Variants in RASL10B observed in about 807,000 individuals in gnomAD.
RASL10B encodes the protein RAS like family 10 member B.
In RASL10B, 10 loss-of-function variants were observed where a neutral mutation model predicts 20.7. The observed-to-expected ratio is 0.48, with a 90% CI of 0.30 to 0.82. RASL10B has a LOEUF of 0.82. Ranked by LOEUF, RASL10B falls within the 40% of genes least tolerant of loss-of-function variation. The pLI is 0.07. For missense variants in RASL10B, 231 were observed against 295.4 expected, an observed-to-expected ratio of 0.78 and a Z score of 1.60; for synonymous variants, 110 against 123.3, an observed-to-expected ratio of 0.89 and a Z score of 0.72.
chr17:35,740,379 T>C (rs782255346), intron 2 of RASL10B, 30 bp from the exon 3 acceptor site: 1 of 1,609,440 alleles, frequency 6.2e-7, no homozygotes, highest in East Asian at 2.2e-5. Context: ...ATGGCTGCTC[T>C]GACCCTGGTA....
At chr17:35,734,579 G>A (rs1053685335) in intron 1 of RASL10B, among the ~76,000 whole-genome samples, 4 of 152,122 alleles carry the variant, frequency 2.6e-5, no homozygotes, top group Admixed American at 6.5e-5. Flanking sequence ...TGGGGGCCAC[G>A]GAAAGCAAAT....
At position 35,735,296 on chromosome 17, in the gene RASL10B, G is replaced by T; in HGVS notation, c.112G>T (p.Ala38Ser). Reference protein sequence around the residue: ...EFSEVCVPTTARRLYLPAVVM... With the variant: ...EFSEVCVPTTSRRLYLPAVVM... ...CAGCGAGGTCTGCGTCCCCACCACC[G>T]CCCGCCGCCTTTACCTGCCTGCTGT... The change falls in exon 2 of 4, where the codon GCC (alanine) becomes TCC (serine). Residue 38 changes from alanine to serine, a missense_variant. Ala to Ser is a moderately conservative substitution (Grantham distance 99, BLOSUM62 1). Transcript: ENST00000603017. This position sits in a 1 kb window ranked among gnomAD's most constrained non-coding sequence, Gnocchi z 6.7. The T allele has an allele frequency of 6.2e-7, 1 of 1,613,944 alleles. No individual in the cohort carries two copies. The highest frequency in any genetic ancestry group is 8.5e-7 in the Non-Finnish European group (1 of 1,180,032).
chr17:35,737,187 T>C (rs2085598512), intron 2 of RASL10B: 1 of 152,228 alleles, frequency 6.6e-6, no homozygotes, highest in African/African-American at 2.4e-5. Context: ...TTAAAATTTT[T>C]TGTATAGATG....
chr17:35,738,402 A>G (rs2085608621), intron 2 of RASL10B, among the ~76,000 whole-genome samples: 1 of 152,218 alleles, frequency 6.6e-6, no homozygotes, highest in Admixed American at 6.5e-5. Context: ...ATCTGGAAAC[A>G]AAATAATACA....
At position 35,735,002 on chromosome 17, in the gene RASL10B, A is replaced by G. The variant is rs915155520; in HGVS notation, c.-147-36A>G. On this transcript the variant is annotated intron_variant, in intron 1 of 3. Coordinates refer to ENST00000603017, the MANE Select transcript of RASL10B (RefSeq NM_033315.4). This position sits in a 1 kb window ranked among gnomAD's most constrained non-coding sequence, Gnocchi z 6.7. ...AAAAGTGCAGGACACGTCCAGGGAT[A>G]AGCCAGTGCACTAAGCCCACCTCTT... is the stretch of plus-strand genomic sequence containing the variant. 72 of 624,296 alleles carry G rather than the reference A, an allele frequency of 1.2e-4. No homozygotes were observed. In the Admixed American group the frequency reaches 1.8e-3, roughly 16 times the overall value. 38.7% of individuals were successfully genotyped at this position (624,296 alleles called of 1,614,324 possible).
chr17:35,741,196 T>C lies in RASL10B; in HGVS notation c.503T>C (p.Leu168Pro). 1 of 1,613,158 alleles carries C rather than the reference T, an allele frequency of 6.2e-7. No homozygotes were observed. The highest frequency in any genetic ancestry group is 8.5e-7 in the Non-Finnish European group (1 of 1,180,008). Residue 168 changes from leucine to proline, a missense_variant, in exon 4 of 4, where the codon CTG (leucine) becomes CCG (proline). By Grantham distance (98) the Leu-to-Pro change is moderately conservative. Transcript: ENST00000603017. The part of the protein sequence containing the change: ...CSAKYNWHIL[L>P]LFSELLKSVG... ...GCCAAGTACAACTGGCACATCCTGC[T>C]GCTCTTCAGCGAGCTGCTCAAGAGC...
At position 35,735,520 on chromosome 17, in the gene RASL10B, T is replaced by C; in HGVS notation, c.216+120T>C. On this transcript the variant is annotated intron_variant, in intron 2 of 3. Transcript: ENST00000603017. The surrounding 1 kb of genome is among the most constrained non-coding windows in gnomAD (Gnocchi z 6.7). ...GGGCCCCATCACTGAGTTTGGGAGC[T>C]CCACACTGCACCTTGGGCCACTCTG... 3.3e-6 allele frequency: 3 copies of C among 921,462 alleles called. No homozygotes were observed. Among genetic ancestry groups the C allele is most frequent in the Admixed American group, 2.2e-5 (1 of 46,274 alleles). 57.1% of individuals were successfully genotyped at this position (921,462 alleles called of 1,614,324 possible).
chr17:35,735,290 A>G lies in RASL10B; in HGVS notation c.106A>G (p.Thr36Ala). The G allele has an allele frequency of 6.2e-7, 1 of 1,613,910 alleles. No individual in the cohort carries two copies. The highest frequency in any genetic ancestry group is 8.5e-7 in the Non-Finnish European group (1 of 1,180,024). Residue 36 changes from threonine (T) to alanine (A), a missense_variant, in exon 2 of 4, where the codon ACC becomes GCC. Coordinates refer to ENST00000603017, the MANE Select transcript of RASL10B (RefSeq NM_033315.4). The surrounding 1 kb of genome is among the most constrained non-coding windows in gnomAD (Gnocchi z 6.7). ...CGAGTTCAGCGAGGTCTGCGTCCCC[A>G]CCACCGCCCGCCGCCTTTACCTGCC... is the stretch of plus-strand genomic sequence containing the variant. The part of the protein sequence containing the change: ...YNEFSEVCVP[T>A]TARRLYLPAV...
intron 2 of RASL10B, among the ~76,000 whole-genome samples, chr17:35,739,126 G>T (rs1279883016): frequency 6.6e-6 from 1 of 152,236 alleles, no homozygotes; most frequent in Non-Finnish European, 1.5e-5. Flanking sequence ...ATCCACTGCA[G>T]CATCTTCTAA....
intron 2 of RASL10B, among the ~76,000 whole-genome samples, chr17:35,738,735 C>G (rs2085610518): frequency 6.6e-6 from 1 of 152,164 alleles, no homozygotes; most frequent in African/African-American, 2.4e-5. Flanking sequence ...CCTCCTCTCT[C>G]TTTTAGGAAC....
chr17:35,735,136 G>A lies in RASL10B; in HGVS notation c.-49G>A, dbSNP rs782805125. 5 of 1,569,226 alleles carry A rather than the reference G, an allele frequency of 3.2e-6. No individual in the cohort carries two copies. Among genetic ancestry groups the A allele is most frequent in the Admixed American group, 1.7e-5 (1 of 59,640 alleles). Reference sequence around the variant, plus strand: ...CAGCCCCTGGAATATGCAGCCCGGGGGAGCCCCAGACAGCGGCAAGGACGA... The same window carrying A: ...CAGCCCCTGGAATATGCAGCCCGGGAGAGCCCCAGACAGCGGCAAGGACGA... On this transcript the variant is annotated 5_prime_UTR_variant, in exon 2 of 4. Transcript: ENST00000603017. The surrounding 1 kb of genome is among the most constrained non-coding windows in gnomAD (Gnocchi z 6.7).
At position 35,741,431 on chromosome 17, in the gene RASL10B, C is replaced by A; in HGVS notation, c.*126C>A. 1 of 1,290,580 alleles carries A rather than the reference C, an allele frequency of 7.7e-7. No individual in the cohort carries two copies. Among genetic ancestry groups the A allele is most frequent in the Non-Finnish European group, 1.0e-6 (1 of 1,000,570 alleles). 79.9% of individuals were successfully genotyped at this position (1,290,580 alleles called of 1,614,324 possible). On this transcript the variant is annotated 3_prime_UTR_variant, in exon 4 of 4. Coordinates refer to ENST00000603017, the MANE Select transcript of RASL10B (RefSeq NM_033315.4). ...GGTCCCGGCCTGAGGCCCCTGCAGC[C>A]ACGCACCTCCCGGTGAGAAGCAGAG...
chr17:35,736,776 A>T (rs2085595848), intron 2 of RASL10B: 1 of 152,042 alleles, frequency 6.6e-6, no homozygotes, highest in South Asian at 2.1e-4. Context: ...TTTATTTTAG[A>T]TGGAGTCTCC....
Position 35,741,119 on chromosome 17 carries a change from C to G in RASL10B, c.426C>G (p.Asn142Lys). 6.2e-7 allele frequency: 1 copy of G among 1,613,600 alleles called. No individual in the cohort carries two copies. The highest frequency in any genetic ancestry group is 8.5e-7 in the Non-Finnish European group (1 of 1,180,010). ...GCGGACGCGTGATCCCGCGCTGGAA[C>G]GTGTCGCACCTGGTACGCAAGACCT... ...LQRGRVIPRW[N>K]VSHLVRKTWK... Residue 142 changes from asparagine to lysine, a missense_variant, in exon 4 of 4, where the codon AAC (asparagine) becomes AAG (lysine). Physicochemically the swap from Asn to Lys is moderately conservative, Grantham distance 94. Coordinates refer to ENST00000603017, the MANE Select transcript of RASL10B (RefSeq NM_033315.4).
At chr17:35,736,564 GCAGA>G (rs1598389114) in intron 2 of RASL10B, among the ~76,000 whole-genome samples, 2 of 152,194 alleles carry the variant, frequency 1.3e-5, no homozygotes, top group African/African-American at 4.8e-5. Context: ...GCCTGTCAGG[GCAGA>G]CAGTCTGGAT....
chr17:35,738,841 G>A (rs910190752), intron 2 of RASL10B, among the ~76,000 whole-genome samples: 1 of 152,132 alleles, frequency 6.6e-6, no homozygotes, highest in Non-Finnish European at 1.5e-5. Context: ...AAAGCTGGCA[G>A]CTGCTCCCTC....
intron 2 of RASL10B, among the ~76,000 whole-genome samples, chr17:35,739,470 T>G (rs587746811): frequency 6.6e-6 from 1 of 152,296 alleles, no homozygotes; most frequent in South Asian, 2.1e-4. Flanking sequence ...TTAAGGAAAC[T>G]TCTCTTTAGT....
chr17:35,741,434 G>T lies in RASL10B; in HGVS notation c.*129G>T. On this transcript the variant is annotated 3_prime_UTR_variant, in exon 4 of 4. Transcript: ENST00000603017. ...CCCGGCCTGAGGCCCCTGCAGCCAC[G>T]CACCTCCCGGTGAGAAGCAGAGCGC... is the stretch of plus-strand genomic sequence containing the variant. The T allele has an allele frequency of 7.8e-7, 1 of 1,283,154 alleles. No individual in the cohort carries two copies. Among genetic ancestry groups the T allele is most frequent in the East Asian group, 3.1e-5 (1 of 32,554 alleles). The allele number at this position is 1,283,154 out of a possible 1,614,324, so 79.5% of individuals were successfully genotyped here.
At chr17:35,739,989 G>A (rs2085619297) in intron 2 of RASL10B, among the ~76,000 whole-genome samples, 1 of 152,244 alleles carries the variant, frequency 6.6e-6, no homozygotes, top group Non-Finnish European at 1.5e-5. Context: ...GGGAAATCAG[G>A]AAGCTTCTTG....
Sources: gnomAD v4.1 joint callset for allele counts (sites outside exome capture counted in the v4.1 genomes callset) on GRCh38, gnomAD v4.1.1 for gene constraint, Gnocchi (gnomAD v3.1) non-coding constraint, MANE v1.5 for transcripts, NCBI Gene and HGNC (gene_info 2026-07-23, HGNC 2026-07-21) for gene names.